VIRMA: variants seen among roughly 807,000 people sequenced by gnomAD.
VIRMA encodes the protein protein virilizer homolog.
In VIRMA, 65 loss-of-function variants were observed where a neutral mutation model predicts 182.4. That is an observed-to-expected ratio of 0.36 (90% confidence interval 0.29 to 0.44). The LOEUF (loss-of-function observed/expected upper bound fraction) is 0.44. Ranked by LOEUF, VIRMA falls within the 20% of genes least tolerant of loss-of-function variation. The pLI is 1.00. For synonymous variants in VIRMA, 709 were observed against 743.1 expected, an observed-to-expected ratio of 0.95 and a Z score of 0.75; for missense variants, 1,752 against 2,158.1, an observed-to-expected ratio of 0.81 and a Z score of 3.73.
rs11355130 is a variant in VIRMA, at chr8:94,521,042, CTT to C, written c.2022-1568_2022-1567del. 2.1e-4 allele frequency among the ~76,000 whole-genome samples: 32 copies of C among 149,690 alleles called. 1 individual carries two copies. The highest frequency in any genetic ancestry group is 1.7e-3 in the South Asian group (8 of 4,764). ...TTTTCCAAAATCTACTTTTTTATCTCTTTTTTTTTTTTAAATTTTTTAGTTCT... is the reference window on the plus strand; with the variant it reads ...TTTTCCAAAATCTACTTTTTTATCTCTTTTTTTTTTAAATTTTTTAGTTCT... On this transcript the variant is annotated intron_variant, in intron 8 of 23. Transcript: ENST00000297591.
chr8:94,515,499 G>T (rs1162408485), intron 10 of VIRMA, among the ~76,000 whole-genome samples: 1 of 151,894 alleles, frequency 6.6e-6, no homozygotes, highest in Admixed American at 6.6e-5. Context: ...AACCTCCAAA[G>T]TAGCTAGGAC....
chr8:94,510,318 A>T, intron 14 of VIRMA, 99 bp downstream of exon 14: 1 of 816,460 alleles, frequency 1.2e-6, no homozygotes, highest in Non-Finnish European at 2.0e-6. Flanking sequence ...TATATATGTT[A>T]TCTGGGCATT....
At chr8:94,490,605 G>C (rs927321221) in intron 22 of VIRMA, among the ~76,000 whole-genome samples, 6 of 152,116 alleles carry the variant, frequency 3.9e-5, no homozygotes, top group Non-Finnish European at 8.8e-5. Context: ...CTGCACTTTG[G>C]GAGGCCGAAG....
intron 2 of VIRMA, among the ~76,000 whole-genome samples, chr8:94,540,461 C>CTTTT (rs963429701): frequency 1.7e-4 from 22 of 128,624 alleles, no homozygotes; most frequent in South Asian, 2.7e-4. Context: ...TTCTTCTTTT[C>CTTTT]TTTTTTTTTT....
chr8:94,522,136 T>G (rs1277336055), intron 8 of VIRMA, among the ~76,000 whole-genome samples: 1 of 152,114 alleles, frequency 6.6e-6, no homozygotes, highest in African/African-American at 2.4e-5. Flanking sequence ...AATAAAAAAA[T>G]TTGCATGCCA....
At chr8:94,512,285 C>T (rs948819295) in intron 11 of VIRMA, 196 bp from the exon 12 acceptor site, 5 of 278,122 alleles carry the variant, frequency 1.8e-5, no homozygotes, top group Middle Eastern at 1.0e-3. Flanking sequence ...TGATCTCTGG[C>T]ATATGTTGTA....
At chr8:94,530,317 G>A (rs954320624) in intron 6 of VIRMA, among the ~76,000 whole-genome samples, 1 of 151,956 alleles carries the variant, frequency 6.6e-6, no homozygotes, top group African/African-American at 2.4e-5. Flanking sequence ...ACCAGCCTGA[G>A]CAACATAGGA....
intron 1 of VIRMA, among the ~76,000 whole-genome samples, chr8:94,549,548 T>C (rs1036660330): frequency 6.6e-6 from 1 of 152,198 alleles, no homozygotes; most frequent in Non-Finnish European, 1.5e-5. Context: ...AAACTAGAAT[T>C]TTACCATTTT....
chr8:94,528,255 GAAA>G (rs1168460165), intron 7 of VIRMA, among the ~76,000 whole-genome samples: 1 of 140,190 alleles, frequency 7.1e-6, no homozygotes, highest in Non-Finnish European at 1.6e-5. Context: ...AAAAAAGAAA[GAAA>G]AAAAGAAAAC....
chr8:94,494,285 T>C (rs1307969282), intron 20 of VIRMA, among the ~76,000 whole-genome samples: 1 of 151,910 alleles, frequency 6.6e-6, no homozygotes, highest in Non-Finnish European at 1.5e-5. Flanking sequence ...AGACTTTATC[T>C]ATATTAAAAA....
intron 6 of VIRMA, among the ~76,000 whole-genome samples, chr8:94,529,798 C>G (rs1466540218): frequency 2.0e-5 from 3 of 152,096 alleles, no homozygotes; most frequent in Admixed American, 6.5e-5. Context: ...TAACACCACA[C>G]CCGGCTAATT....
chr8:94,492,939 TCTAC>T (rs1461300984), intron 20 of VIRMA, 121 bp from the exon 21 acceptor site: 3 of 797,928 alleles, frequency 3.8e-6, no homozygotes, highest in Non-Finnish European at 3.8e-6. Flanking sequence ...AAATTATAGA[TCTAC>T]CTCTTTCATC....
chr8:94,550,440 C>T (rs1815940944), intron 1 of VIRMA, among the ~76,000 whole-genome samples: 1 of 151,738 alleles, frequency 6.6e-6, no homozygotes, highest in Admixed American at 6.6e-5. Context: ...CTACAGGCAC[C>T]TGCCACCACG....
chr8:94,495,620 A>T, intron 19 of VIRMA, 111 bp downstream of exon 19: 1 of 735,918 alleles, frequency 1.4e-6, no homozygotes, highest in Non-Finnish European at 2.1e-6. Context: ...TGCAAAGCCT[A>T]GAATTCTTAC....
intron 2 of VIRMA, among the ~76,000 whole-genome samples, chr8:94,541,862 A>G (rs1815566525): frequency 1.3e-5 from 2 of 152,148 alleles, no homozygotes; most frequent in Non-Finnish European, 2.9e-5. Flanking sequence ...CATTTGTTTT[A>G]CTGCGTTAAT....
chr8:94,494,031 C>T lies in VIRMA; in HGVS notation c.4641+829G>A, dbSNP rs189547949. ...GCCACACCATAGCACAACCATTCCT[C>T]TCCTTGAACCCAAATGCAAGAATAA... On this transcript the variant is annotated intron_variant, in intron 20 of 23. Transcript: ENST00000297591. 2.0e-5 allele frequency among the ~76,000 whole-genome samples: 3 copies of T among 152,344 alleles called. No homozygotes were observed. In the East Asian group the frequency reaches 5.8e-4, roughly 29 times the overall value.
intron 1 of VIRMA, among the ~76,000 whole-genome samples, chr8:94,552,684 T>C (rs908890581): frequency 1.3e-5 from 2 of 152,268 alleles, no homozygotes; most frequent in Admixed American, 1.3e-4. Context: ...CAATTGTACA[T>C]TAAGGGGCGC....
At chr8:94,516,823 A>C (rs1360532754) in intron 10 of VIRMA, among the ~76,000 whole-genome samples, 1 of 152,192 alleles carries the variant, frequency 6.6e-6, no homozygotes, top group Non-Finnish European at 1.5e-5. Flanking sequence ...CTTTTACTGG[A>C]GCTATCACAA....
At chr8:94,492,532 A>C in intron 21 of VIRMA, 120 bp downstream of exon 21, 1 of 715,188 alleles carries the variant, frequency 1.4e-6, no homozygotes, top group Non-Finnish European at 2.2e-6. Context: ...TCGGCCTCCC[A>C]AAATGCTGGG....
Sources: gnomAD v4.1 joint callset for allele counts (sites outside exome capture counted in the v4.1 genomes callset) on GRCh38, gnomAD v4.1.1 for gene constraint, MANE v1.5 for transcripts, NCBI Gene and HGNC (gene_info 2026-07-23, HGNC 2026-07-21) for gene names.